Variants in LMOD1 observed in about 807,000 individuals in gnomAD.
LMOD1 encodes the protein leiomodin 1.
Under a neutral mutation model 36.5 loss-of-function variants are expected in LMOD1, and 8 were observed. The ratio of observed to expected loss-of-function variants is 0.22; its 90% CI spans 0.13 to 0.40. The LOEUF (loss-of-function observed/expected upper bound fraction) is 0.40. Ranked by LOEUF, LMOD1 falls within the 10% of genes least tolerant of loss-of-function variation. The pLI is 1.00. For missense variants in LMOD1, 630 were observed against 751.1 expected (o/e 0.84, Z 1.88); for synonymous variants, 284 against 288.7 (o/e 0.98, Z 0.17).
intron 1 of LMOD1, among the ~76,000 whole-genome samples, chr1:201,919,852 G>A (rs1259896735): frequency 1.3e-5 from 2 of 152,040 alleles, no homozygotes; most frequent in African/African-American, 4.8e-5. Flanking sequence ...TCCTACTACA[G>A]GCCTCCAGGG....
chr1:201,900,113 G>C lies in LMOD1; in HGVS notation c.900C>G (p.Thr300=), dbSNP rs377022521. 6.8e-6 allele frequency: 11 copies of C among 1,613,934 alleles called. No individual in the cohort carries two copies. The Admixed American group carries it at 1.5e-4, about 22-fold the overall frequency. The change falls in exon 2 of 3, where the codon ACC becomes ACG. Residue 300 remains threonine, a synonymous_variant. Transcript: ENST00000367288. ...TPEKQTPSGP[T]KPSEGPAKVE... The stretch of plus-strand genomic sequence containing the variant: ...CCTTGGCCGGTCCTTCAGAGGGCTT[G>C]GTGGGGCCACTGGGCGTCTGTTTCT...
intron 1 of LMOD1, among the ~76,000 whole-genome samples, chr1:201,921,271 C>T (rs1394702843): frequency 2.0e-5 from 3 of 151,918 alleles, no homozygotes; most frequent in South Asian, 2.1e-4. Context: ...GGGCAGATCA[C>T]GAGGTCAGGA....
chr1:201,911,688 T>C (rs1207437377), intron 1 of LMOD1, among the ~76,000 whole-genome samples: 2 of 151,868 alleles, frequency 1.3e-5, no homozygotes, highest in South Asian at 2.1e-4. Flanking sequence ...GACAAACCCA[T>C]TGGGCTTCTA....
At chr1:201,935,515 G>A (rs1243619872) in intron 1 of LMOD1, among the ~76,000 whole-genome samples, 1 of 151,972 alleles carries the variant, frequency 6.6e-6, no homozygotes, top group African/African-American at 2.4e-5. Flanking sequence ...GTTCACACCT[G>A]TACACCTGTA....
chr1:201,920,125 T>A (rs1488940210), intron 1 of LMOD1, among the ~76,000 whole-genome samples: 3 of 147,450 alleles, frequency 2.0e-5, no homozygotes, highest in Non-Finnish European at 4.4e-5. Context: ...AATGGCATGA[T>A]CTTGGCTCAC....
At chr1:201,940,432 G>A (rs1558244348) in intron 1 of LMOD1, among the ~76,000 whole-genome samples, 1 of 151,862 alleles carries the variant, frequency 6.6e-6, no homozygotes, top group Non-Finnish European at 1.5e-5. Context: ...TGATCCACCC[G>A]CCTCGGCCTC....
intron 1 of LMOD1, among the ~76,000 whole-genome samples, chr1:201,943,694 G>A (rs2820301): frequency 0.97 from 147,119 of 152,302 alleles, 71,297 homozygotes; most frequent in East Asian, 1. Flanking sequence ...CCTTGACTCA[G>A]ATGAAGTAAT....
intron 1 of LMOD1, among the ~76,000 whole-genome samples, chr1:201,917,581 T>C (rs1432284207): frequency 6.6e-6 from 1 of 152,190 alleles, no homozygotes; most frequent in Non-Finnish European, 1.5e-5. Flanking sequence ...TGGTGACTCA[T>C]ACTGGGAAGC....
intron 1 of LMOD1, among the ~76,000 whole-genome samples, chr1:201,914,401 G>T (rs1681565337): frequency 6.6e-6 from 1 of 152,142 alleles, no homozygotes; most frequent in South Asian, 2.1e-4. Context: ...TTCCTCATCT[G>T]TAAAACGGGG....
Position 201,946,518 on chromosome 1 carries a change from G to C in LMOD1, c.-178C>G. The C allele has an allele frequency of 1.5e-6, 1 of 667,384 alleles. No individual in the cohort carries two copies. Among genetic ancestry groups the C allele is most frequent in the Non-Finnish European group, 2.5e-6 (1 of 399,810 alleles). 41.3% of individuals were successfully genotyped at this position (667,384 alleles called of 1,614,324 possible). A position where few individuals can be genotyped will look rare whatever the true frequency, so the allele number is the denominator to read the frequency against. Reference sequence around the variant, plus strand: ...GGTGCTGAAGTGTTCACTGGACGCAGCAGCCTCCCTGAAGCCCAGGGCTAG... The same window carrying C: ...GGTGCTGAAGTGTTCACTGGACGCACCAGCCTCCCTGAAGCCCAGGGCTAG... On this transcript the variant is annotated 5_prime_UTR_variant, in exon 1 of 3. Transcript: ENST00000367288.
intron 1 of LMOD1, among the ~76,000 whole-genome samples, chr1:201,944,032 C>A (rs1036478623): frequency 2.0e-5 from 3 of 152,200 alleles, no homozygotes; most frequent in Admixed American, 2.0e-4. Flanking sequence ...GCATGCACCC[C>A]GAACTCCAGC....
At chr1:201,906,035 G>A (rs978690742) in intron 1 of LMOD1, among the ~76,000 whole-genome samples, 2 of 152,166 alleles carry the variant, frequency 1.3e-5, no homozygotes, top group Admixed American at 1.3e-4. Context: ...TCATCTGGAG[G>A]CATCCGGAAT....
At position 201,942,423 on chromosome 1, in the gene LMOD1, A is replaced by T. The variant is rs114600648; in HGVS notation, c.261+3657T>A. 1.6e-3 allele frequency among the ~76,000 whole-genome samples: 240 copies of T among 152,314 alleles called. 1 individual carries two copies. Among genetic ancestry groups the T allele is most frequent in the African/African-American group, 5.7e-3 (235 of 41,562 alleles). ...AGTGGTACCTGAGACAGGCAGAACA[A>T]ATAGGAGTTGACCTGGAAGAGGCAA... On this transcript the variant is annotated intron_variant, in intron 1 of 2. Coordinates refer to ENST00000367288, the MANE Select transcript of LMOD1 (RefSeq NM_012134.3).
chr1:201,918,295 C>T (rs773497583), intron 1 of LMOD1, among the ~76,000 whole-genome samples: 10 of 152,316 alleles, frequency 6.6e-5, no homozygotes, highest in East Asian at 1.9e-4. Flanking sequence ...GCTGTGTTTG[C>T]GGCCTCCATC....
intron 1 of LMOD1, among the ~76,000 whole-genome samples, chr1:201,918,298 C>G (rs1681642997): frequency 6.6e-6 from 1 of 152,200 alleles, no homozygotes; most frequent in Admixed American, 6.5e-5. Context: ...GTGTTTGCGG[C>G]CTCCATCATC....
chr1:201,912,901 C>T (rs563713987), intron 1 of LMOD1, among the ~76,000 whole-genome samples: 2 of 152,066 alleles, frequency 1.3e-5, no homozygotes, highest in Non-Finnish European at 2.9e-5. Context: ...AAACAAACTT[C>T]CTGGAGTCCA....
intron 1 of LMOD1, among the ~76,000 whole-genome samples, chr1:201,942,966 C>T (rs1256925240): frequency 6.6e-6 from 1 of 152,150 alleles, no homozygotes; most frequent in Non-Finnish European, 1.5e-5. Flanking sequence ...ATAGAAATTC[C>T]TTAACAGCAT....
At position 201,900,449 on chromosome 1, in the gene LMOD1, T is replaced by C. The variant is rs777745170; in HGVS notation, c.564A>G (p.Glu188=). The stretch of plus-strand genomic sequence containing the variant: ...TCCTGTCACTCCCTTTCTTCTCCTC[T>C]TCCTTCTTGGTGGCCACTGCCCTCT... ...GEERAVATKK[E]EEKKGSDRNT... Residue 188 remains glutamate (E), a synonymous_variant, in exon 2 of 3, where the codon GAA becomes GAG. Transcript: ENST00000367288. The C allele has an allele frequency of 1.6e-5, 25 of 1,603,582 alleles. No homozygotes were observed. Among genetic ancestry groups the C allele is most frequent in the Non-Finnish European group, 2.1e-5 (25 of 1,174,714 alleles).
Position 201,896,691 on chromosome 1 carries a change from C to T in LMOD1, c.*1681G>A. 1 of 456,640 alleles carries T rather than the reference C, an allele frequency of 2.2e-6. No homozygotes were observed. The highest frequency in any genetic ancestry group is 4.4e-6 in the Non-Finnish European group (1 of 226,952). 28.3% of individuals were successfully genotyped at this position (456,640 alleles called of 1,614,324 possible). On this transcript the variant is annotated 3_prime_UTR_variant, in exon 3 of 3. Coordinates refer to ENST00000367288, the MANE Select transcript of LMOD1 (RefSeq NM_012134.3). ...AGCTGGCCTTAGCTCCAGCTCATACCCTTTAGGTCCAGGAGCCAGTGTGTG... is the reference window on the plus strand; with the variant it reads ...AGCTGGCCTTAGCTCCAGCTCATACTCTTTAGGTCCAGGAGCCAGTGTGTG...
Sources: allele counts gnomAD v4.1 joint callset (sites outside exome capture counted in the v4.1 genomes callset), GRCh38; gene constraint gnomAD v4.1.1; transcripts MANE v1.5; gene names NCBI Gene and HGNC (gene_info 2026-07-23, HGNC 2026-07-21).